ITPR2: variants seen among roughly 807,000 people sequenced by gnomAD.
The protein encoded by ITPR2 is inositol 1,4,5-trisphosphate receptor type 2, also known as inositol 1,4,5-trisphosphate-gated calcium channel ITPR2.
A neutral mutation model predicts 317.1 loss-of-function variants in ITPR2; 207 were observed. The observed-to-expected ratio is 0.65, with a 90% CI of 0.58 to 0.73. ITPR2 has a LOEUF of 0.73. ITPR2 is among the 30% of genes least tolerant of loss of function. The probability of loss-of-function intolerance (pLI) is 0.00; values close to 1 mark genes in which losing one functional copy is unlikely to be tolerated. For missense variants in ITPR2, 2,613 were observed against 3,284.0 expected, an observed-to-expected ratio of 0.80 and a Z score of 4.99; for synonymous variants, 1,156 against 1,149.1, an observed-to-expected ratio of 1.01 and a Z score of -0.12.
chr12:26,557,738 T>C (rs1285028481), intron 35 of ITPR2, among the ~76,000 whole-genome samples: 1 of 152,240 alleles, frequency 6.6e-6, no homozygotes, highest in Non-Finnish European at 1.5e-5. Context: ...GAATGTTGTG[T>C]TATTTAAAGC....
intron 45 of ITPR2, among the ~76,000 whole-genome samples, chr12:26,467,872 T>A (rs1942205205): frequency 6.6e-6 from 1 of 152,196 alleles, no homozygotes; most frequent in South Asian, 2.1e-4. Context: ...CGTAAGTGCC[T>A]ATTAGAGGAT....
intron 54 of ITPR2, among the ~76,000 whole-genome samples, chr12:26,389,827 A>C (rs1179558206): frequency 6.6e-6 from 1 of 152,204 alleles, no homozygotes; most frequent in African/African-American, 2.4e-5. Context: ...TGTAAGAAAA[A>C]GCCTGTCTGA....
At chr12:26,611,494 A>C (rs926047216) in intron 26 of ITPR2, among the ~76,000 whole-genome samples, 1 of 152,192 alleles carries the variant, frequency 6.6e-6, no homozygotes, top group Non-Finnish European at 1.5e-5. Flanking sequence ...TACATCAGTG[A>C]GAGTCTAAGT....
Position 26,810,616 on chromosome 12 carries a change from A to C in ITPR2, c.93-20389T>G, listed in dbSNP as rs73080699. On this transcript the variant is annotated intron_variant, in intron 1 of 56. Coordinates refer to ENST00000381340, the MANE Select transcript of ITPR2 (RefSeq NM_002223.4). ...TGCCTAAAGACTTGCTAAGCAGCAGAAGTTTTCTTTAAAGGACTTGGGATT... is the reference window on the plus strand; with the variant it reads ...TGCCTAAAGACTTGCTAAGCAGCAGCAGTTTTCTTTAAAGGACTTGGGATT... Among the ~76,000 whole-genome samples, 63 of 152,350 alleles carry C rather than the reference A, an allele frequency of 4.1e-4. 1 individual carries two copies. In the Middle Eastern group the frequency reaches 0.031, roughly 74 times the overall value.
At chr12:26,710,658 T>C (rs1228059663) in intron 9 of ITPR2, among the ~76,000 whole-genome samples, 2 of 152,250 alleles carry the variant, frequency 1.3e-5, no homozygotes, top group Non-Finnish European at 2.9e-5. Context: ...TCTGTCAACA[T>C]ACTTTTAGTG....
At chr12:26,753,517 T>C (rs1254190916) in intron 2 of ITPR2, among the ~76,000 whole-genome samples, 1 of 152,190 alleles carries the variant, frequency 6.6e-6, no homozygotes, top group Non-Finnish European at 1.5e-5. Context: ...CTGCAGTGTG[T>C]GGATCTTTCC....
intron 52 of ITPR2, among the ~76,000 whole-genome samples, chr12:26,402,199 GA>G (rs1940200249): frequency 6.6e-6 from 1 of 152,048 alleles, no homozygotes; most frequent in Non-Finnish European, 1.5e-5. Flanking sequence ...AGAATATGAG[GA>G]AAAACAGTCA....
At chr12:26,595,436 C>A (rs769690821) in intron 32 of ITPR2, 29 bp downstream of exon 32, 11 of 1,590,448 alleles carry the variant, frequency 6.9e-6, no homozygotes, top group Non-Finnish European at 9.4e-6. Flanking sequence ...TATCTATTGA[C>A]ACCCTTCAGT....
intron 42 of ITPR2, among the ~76,000 whole-genome samples, chr12:26,482,200 C>T (rs1054356196): frequency 6.6e-6 from 1 of 152,316 alleles, no homozygotes. Context: ...TCCTACCTGT[C>T]CTGAGGTTCT....
chr12:26,575,367 G>A (rs1384390437), intron 34 of ITPR2, among the ~76,000 whole-genome samples: 1 of 151,878 alleles, frequency 6.6e-6, no homozygotes, highest in Non-Finnish European at 1.5e-5. Flanking sequence ...ATTTCCTGCA[G>A]TGGTCCAAGA....
At chr12:26,407,176 C>A (rs1776323090) in intron 52 of ITPR2, among the ~76,000 whole-genome samples, 1 of 152,136 alleles carries the variant, frequency 6.6e-6, no homozygotes, top group African/African-American at 2.4e-5. Context: ...GAACAAATCA[C>A]CATTTGTTCA....
At chr12:26,532,065 A>G (rs1365171507) in intron 37 of ITPR2, among the ~76,000 whole-genome samples, 1 of 152,266 alleles carries the variant, frequency 6.6e-6, no homozygotes, top group Non-Finnish European at 1.5e-5. Flanking sequence ...AAGGATATTT[A>G]CAAAAGTAAT....
chr12:26,653,172 T>C (rs1432256718), intron 21 of ITPR2, among the ~76,000 whole-genome samples: 1 of 152,038 alleles, frequency 6.6e-6, no homozygotes, highest in Non-Finnish European at 1.5e-5. Context: ...ACTCCACAGG[T>C]TCCCACACTG....
At chr12:26,353,824 T>C (rs1354854046) in intron 55 of ITPR2, among the ~76,000 whole-genome samples, 1 of 152,112 alleles carries the variant, frequency 6.6e-6, no homozygotes, top group Non-Finnish European at 1.5e-5. Context: ...AGTACTCATA[T>C]GCAGAACTCA....
At chr12:26,443,733 T>A in intron 45 of ITPR2, 83 bp from the exon 46 acceptor site, 5 of 961,214 alleles carry the variant, frequency 5.2e-6, no homozygotes, top group Non-Finnish European at 8.2e-6. Context: ...TGTCTACTTG[T>A]ACACATAGCT....
chr12:26,578,642 G>T, intron 34 of ITPR2, 71 bp downstream of exon 34: 1 of 1,389,346 alleles, frequency 7.2e-7, no homozygotes, highest in Non-Finnish European at 1.0e-6. Flanking sequence ...AGCTGCTTGT[G>T]TTGCCCATTA....
intron 5 of ITPR2, among the ~76,000 whole-genome samples, chr12:26,717,653 T>C (rs1948765072): frequency 6.6e-6 from 1 of 152,174 alleles, no homozygotes; most frequent in Non-Finnish European, 1.5e-5. Flanking sequence ...TATGCTATCA[T>C]TCGTGTACAA....
intron 55 of ITPR2, among the ~76,000 whole-genome samples, chr12:26,348,187 G>A (rs1938366658): frequency 6.6e-6 from 1 of 152,200 alleles, no homozygotes; most frequent in South Asian, 2.1e-4. Flanking sequence ...GAAGACATCA[G>A]CAGAAATGGC....
intron 2 of ITPR2, among the ~76,000 whole-genome samples, chr12:26,772,756 C>A (rs1949894992): frequency 6.7e-6 from 1 of 149,548 alleles, no homozygotes; most frequent in Admixed American, 6.7e-5. Flanking sequence ...TCTTTTTTTA[C>A]TTTAACTTCT....
Sources: allele counts gnomAD v4.1 joint callset (sites outside exome capture counted in the v4.1 genomes callset), GRCh38; gene constraint gnomAD v4.1.1; transcripts MANE v1.5; gene names NCBI Gene and HGNC (gene_info 2026-07-23, HGNC 2026-07-21).